The following ALLC variants were observed in gnomAD, a reference collection of about 807,000 sequenced individuals.
The protein encoded by ALLC is allantoicase, also known as probable inactive allantoicase.
A neutral mutation model predicts 45.0 loss-of-function variants in ALLC; 40 were observed. The observed-to-expected ratio is 0.89, with a 90% CI of 0.69 to 1.16. The LOEUF is 1.16. ALLC is among the 50% of genes most tolerant of loss of function. The probability of loss-of-function intolerance (pLI) is 0.00; values close to 1 mark genes in which losing one functional copy is unlikely to be tolerated. For synonymous variants in ALLC, 176 were observed against 178.1 expected (o/e 0.99, Z 0.09); for missense variants, 488 against 493.1 (o/e 0.99, Z 0.10).
At chr2:3,657,003 G>A (rs1243294361), upstream of ALLC, among the ~76,000 whole-genome samples, 1 of 152,222 alleles carries the variant, frequency 6.6e-6, no homozygotes, top group African/African-American at 2.4e-5. Flanking sequence ...CTGTGGCGGG[G>A]AAGTCACGGC....
chr2:3,699,665 T>C (rs931260613), intron 10 of ALLC, among the ~76,000 whole-genome samples: 8 of 152,308 alleles, frequency 5.3e-5, no homozygotes, highest in African/African-American at 1.9e-4. Flanking sequence ...TCAACAACTG[T>C]TATTTTTTGA....
chr2:3,663,076 A>G (rs1288357508), intron 1 of ALLC, among the ~76,000 whole-genome samples: 1 of 152,242 alleles, frequency 6.6e-6, no homozygotes, highest in Non-Finnish European at 1.5e-5. Context: ...ATTACTGGGT[A>G]TATACCCAAA....
chr2:3,701,908 C>T (rs894512330), intron 11 of ALLC, among the ~76,000 whole-genome samples: 1 of 152,140 alleles, frequency 6.6e-6, no homozygotes, highest in Non-Finnish European at 1.5e-5. Context: ...GTAGAAGGGG[C>T]GACTAGCACA....
the ALLC span, among the ~76,000 whole-genome samples, chr2:3,651,590 C>G: frequency 6.6e-6 from 1 of 151,828 alleles, no homozygotes; most frequent in Non-Finnish European, 1.5e-5. Context: ...TGTGTCCCTG[C>G]GGTGACAGCA....
intron 7 of ALLC, chr2:3,687,877 CA>C (rs940510591): frequency 2.7e-5 from 4 of 150,806 alleles, no homozygotes; most frequent in African/African-American, 4.8e-5. Context: ...GAAACTGTGT[CA>C]GGGGGAGATT....
chr2:3,677,629 G>T (rs7564017), intron 3 of ALLC, among the ~76,000 whole-genome samples: 2,078 of 152,286 alleles, frequency 0.014, 41 homozygotes, highest in African/African-American at 0.045. Flanking sequence ...CCCTGCCTGG[G>T]AGGCTGGGCA....
intron 1 of ALLC, among the ~76,000 whole-genome samples, chr2:3,663,252 T>C (rs186421295): frequency 4.6e-5 from 7 of 152,224 alleles, no homozygotes; most frequent in Non-Finnish European, 8.8e-5. Flanking sequence ...CCATAAAAGA[T>C]GAGATCATGT....
At chr2:3,678,319 G>A in intron 3 of ALLC, 149 bp from the exon 4 acceptor site, 3 of 622,160 alleles carry the variant, frequency 4.8e-6, no homozygotes, top group Non-Finnish European at 8.6e-6. Context: ...AATCTGGAAG[G>A]GGCTAGCTGG....
intron 1 of ALLC, among the ~76,000 whole-genome samples, chr2:3,669,002 A>G (rs1666798064): frequency 6.6e-6 from 1 of 152,038 alleles, no homozygotes; most frequent in African/African-American, 2.4e-5. Context: ...ATCTCGCTTC[A>G]CCTTTGCCCT....
At chr2:3,649,679 C>G in the ALLC span, among the ~76,000 whole-genome samples, 1 of 152,260 alleles carries the variant, frequency 6.6e-6, no homozygotes, top group Admixed American at 6.5e-5. Context: ...CCTGGCAGCT[C>G]AGGGTGCAGG....
intron 7 of ALLC, among the ~76,000 whole-genome samples, chr2:3,689,387 C>T (rs1301558429): frequency 1.3e-5 from 2 of 150,706 alleles, no homozygotes; most frequent in African/African-American, 2.4e-5. Context: ...TGTTGTATCC[C>T]ATATATTTTT....
intron 2 of ALLC, among the ~76,000 whole-genome samples, chr2:3,673,682 G>A (rs1302500211): frequency 6.6e-6 from 1 of 152,226 alleles, no homozygotes; most frequent in Non-Finnish European, 1.5e-5. Context: ...GACCTATGGC[G>A]GCCCTTGTGG....
chr2:3,669,499 T>C (rs1666809642), intron 1 of ALLC, among the ~76,000 whole-genome samples: 1 of 144,584 alleles, frequency 6.9e-6, no homozygotes, highest in African/African-American at 2.6e-5. Context: ...AAAACAAAAA[T>C]TAGCCGGGCG....
At chr2:3,667,319 C>G (rs1666750128) in intron 1 of ALLC, among the ~76,000 whole-genome samples, 1 of 152,216 alleles carries the variant, frequency 6.6e-6, no homozygotes. Context: ...CGCTGAAGAG[C>G]AAGTGCATGC....
intron 6 of ALLC, among the ~76,000 whole-genome samples, 173 bp from the exon 7 acceptor site, chr2:3,682,769 C>T (rs1451821911): frequency 3.9e-5 from 6 of 152,224 alleles, no homozygotes; most frequent in Admixed American, 2.6e-4. Flanking sequence ...TTGTGATCCG[C>T]CCGCCTCGGC....
At chr2:3,696,397 T>A in intron 9 of ALLC, 49 bp downstream of exon 9, 2 of 1,481,952 alleles carry the variant, frequency 1.3e-6, no homozygotes, top group Non-Finnish European at 1.8e-6. Flanking sequence ...TAAAAGTATT[T>A]TTTGGAACTT....
rs750097936 is a variant in ALLC at position 3,702,468 on chromosome 2, C to T, written c.1081C>T (p.Leu361Phe). Residue 361 changes from leucine to phenylalanine, a missense_variant, in exon 12 of 12, where the codon CTT (leucine) becomes TTT (phenylalanine). Transcript: ENST00000252505. ...CGTCCCCGACGGGGGAGTGAGCCGCCTTCGGCTCCGGGGCTTCCCCAGCTC... is the reference window on the plus strand; with the variant it reads ...CGTCCCCGACGGGGGAGTGAGCCGCTTTCGGCTCCGGGGCTTCCCCAGCTC... ...TIVPDGGVSRLRLRGFPSSIC... is the reference protein window; with the variant it reads ...TIVPDGGVSRFRLRGFPSSIC... The T allele has an allele frequency of 6.2e-7, 1 of 1,612,812 alleles. No homozygotes were observed. Among genetic ancestry groups the T allele is most frequent in the South Asian group, 1.1e-5 (1 of 91,012 alleles).
chr2:3,668,817 C>G (rs1000341228), intron 1 of ALLC, among the ~76,000 whole-genome samples: 1 of 151,418 alleles, frequency 6.6e-6, no homozygotes, highest in African/African-American at 2.4e-5. Flanking sequence ...CTCAGGTGAT[C>G]TGCCCACCTC....
chr2:3,677,394 T>A (rs1667050896), intron 3 of ALLC, among the ~76,000 whole-genome samples: 2 of 152,216 alleles, frequency 1.3e-5, no homozygotes, highest in South Asian at 4.1e-4. Flanking sequence ...TGATGAGTAA[T>A]GGAAAGGCTG....
Sources: allele counts gnomAD v4.1 joint callset (sites outside exome capture counted in the v4.1 genomes callset), GRCh38; gene constraint gnomAD v4.1.1; transcripts MANE v1.5; gene names NCBI Gene and HGNC (gene_info 2026-07-23, HGNC 2026-07-21).